Variants in SLC17A2 observed in about 807,000 individuals in gnomAD.
SLC17A2 encodes sodium-dependent phosphate transport protein 3.
In SLC17A2, 38 loss-of-function variants were observed where a neutral mutation model predicts 52.1. The observed-to-expected ratio is 0.73, with a 90% CI of 0.56 to 0.96. SLC17A2 has a LOEUF of 0.96. SLC17A2 is among the 40% of genes least tolerant of loss of function. SLC17A2 has a pLI of 0.00. For synonymous variants in SLC17A2, 226 were observed against 211.9 expected, an observed-to-expected ratio of 1.07 and a Z score of -0.58; for missense variants, 508 against 583.9, an observed-to-expected ratio of 0.87 and a Z score of 1.34.
chr6:25,926,362 C>T (rs1245361818), intron 1 of SLC17A2, among the ~76,000 whole-genome samples: 1 of 152,056 alleles, frequency 6.6e-6, no homozygotes, highest in African/African-American at 2.4e-5. Flanking sequence ...CATGTGCCTT[C>T]GAACATGAAG....
intron 11 of SLC17A2, 125 bp from the exon 12 acceptor site, chr6:25,913,576 T>C: frequency 3.4e-6 from 3 of 891,986 alleles, no homozygotes; most frequent in Non-Finnish European, 5.0e-6. Flanking sequence ...GTGCAGTAGT[T>C]ACTTAAGAAA....
At position 25,913,266 on chromosome 6, in the gene SLC17A2, G is replaced by C. The variant is rs369296456; in HGVS notation, c.*51C>G. The C allele has an allele frequency of 1.6e-4, 257 of 1,602,282 alleles. No homozygotes were observed. The African/African-American group carries it at 1.7e-3, about 11-fold the overall frequency. The stretch of plus-strand genomic sequence containing the variant: ...AGGAATATGGAGAGAAGTAAAAAAT[G>C]TTTAAAAAGTTCATGCTCAGTACCA... On this transcript the variant is annotated 3_prime_UTR_variant, in exon 12 of 12. Coordinates refer to ENST00000377850, the MANE Select transcript of SLC17A2 (RefSeq NM_001286123.3).
rs182215204 is a variant in SLC17A2 at position 25,917,948 on chromosome 6, A to C, written c.649+539T>G. On this transcript the variant is annotated intron_variant, in intron 6 of 11. Transcript: ENST00000377850. ...AGGAGAAATAAATAATTACACACCA[A>C]CATAACCTAGAGAGGAAATATCATA... Among the ~76,000 whole-genome samples, 161 of 152,352 alleles carry C rather than the reference A, an allele frequency of 1.1e-3. 2 individuals are homozygous for C. Among genetic ancestry groups the C allele is most frequent in the African/African-American group, 1.9e-3 (81 of 41,584 alleles).
In SLC17A2 at chr6:25,923,903, G is replaced by A. The variant is rs1766656430; in HGVS notation, c.32C>T (p.Pro11Leu). 1.9e-6 allele frequency: 3 copies of A among 1,613,502 alleles called. No individual in the cohort carries two copies. Among genetic ancestry groups the A allele is most frequent in the African/African-American group, 2.7e-5 (2 of 75,046 alleles). The change falls in exon 3 of 12, where the codon CCA (proline) becomes CTA (leucine). Residue 11 changes from proline to leucine, a missense_variant. Physicochemically the swap from Pro to Leu is moderately conservative, Grantham distance 98. Coordinates refer to ENST00000377850, the MANE Select transcript of SLC17A2 (RefSeq NM_001286123.3). The stretch of plus-strand genomic sequence containing the variant: ...CCCATAGCGTAATGAACAGAAATCT[G>A]GACCTAGACAACAACACAGATGTAT... The part of the protein sequence containing the change: MDGKPATRKG[P>L]DFCSLRYGLA...
In SLC17A2 at chr6:25,921,275, C is replaced by T. The variant is rs372944403; in HGVS notation, c.378G>A (p.Leu126=). 6 of 1,614,066 alleles carry T rather than the reference C, an allele frequency of 3.7e-6. No individual in the cohort carries two copies. In the African/African-American group the frequency reaches 8.0e-5, roughly 22 times the overall value. ...FGAKKMLGAG[L]LISSLLTLFT... Reference sequence around the variant, plus strand: ...AGAGGGTGAGAAGGGAAGAGATCAGCAAACCAGCACCAAGCATTTTTTTTG... The same window carrying T: ...AGAGGGTGAGAAGGGAAGAGATCAGTAAACCAGCACCAAGCATTTTTTTTG... The change falls in exon 4 of 12, where the codon TTG becomes TTA. Residue 126 remains leucine (L), a synonymous_variant. Transcript: ENST00000377850.
In SLC17A2 at chr6:25,918,551, G is replaced by A; in HGVS notation, c.585C>T (p.Ile195=). The A allele has an allele frequency of 6.2e-7, 1 of 1,613,054 alleles. No homozygotes were observed. Among genetic ancestry groups the A allele is most frequent in the Non-Finnish European group, 8.5e-7 (1 of 1,179,060 alleles). ...AGSGSAFGSF[I]ILCVGGLISQ... ...AGATTAGTCCCCCCACACAGAGGATGATGAAGGATCCAAATGCTGACCCTA... is the reference window on the plus strand; with the variant it reads ...AGATTAGTCCCCCCACACAGAGGATAATGAAGGATCCAAATGCTGACCCTA... Residue 195 remains isoleucine, a synonymous_variant, in exon 6 of 12, where the codon ATC becomes ATT. Coordinates refer to ENST00000377850, the MANE Select transcript of SLC17A2 (RefSeq NM_001286123.3).
intron 1 of SLC17A2, among the ~76,000 whole-genome samples, chr6:25,927,740 T>C (rs552511643): frequency 1.1e-4 from 17 of 152,242 alleles, no homozygotes; most frequent in Middle Eastern, 3.4e-3. Flanking sequence ...TTGTTGTTGT[T>C]TTGTACAATG....
chr6:25,913,477 A>T, intron 11 of SLC17A2, 26 bp from the exon 12 acceptor site: 1 of 1,611,122 alleles, frequency 6.2e-7, no homozygotes, highest in Non-Finnish European at 8.5e-7. Context: ...AGAGAAAATG[A>T]TCAATCTCAC....
chr6:25,925,172 G>A (rs9356992), intron 2 of SLC17A2, among the ~76,000 whole-genome samples: 13,878 of 152,132 alleles, frequency 0.091, 1,597 homozygotes, highest in East Asian at 0.59. Context: ...AGAGCCAGCC[G>A]CTTGGTGAGA....
At position 25,915,375 on chromosome 6, in the gene SLC17A2, G is replaced by T. The variant is rs899496546; in HGVS notation, c.1211+124C>A. ...TAAAAATGGCCACAGACAGATATTTGTAGTTATTTGTCATTCTGCCATTAG... is the reference window on the plus strand; with the variant it reads ...TAAAAATGGCCACAGACAGATATTTTTAGTTATTTGTCATTCTGCCATTAG... On this transcript the variant is annotated intron_variant, in intron 10 of 11. Coordinates refer to ENST00000377850, the MANE Select transcript of SLC17A2 (RefSeq NM_001286123.3). 46 of 835,302 alleles carry T rather than the reference G, an allele frequency of 5.5e-5. No homozygotes were observed. The African/African-American group carries it at 7.6e-4, about 14-fold the overall frequency. 51.7% of individuals were successfully genotyped at this position (835,302 alleles called of 1,614,324 possible). A position where few individuals can be genotyped will look rare whatever the true frequency, so the allele number is the denominator to read the frequency against.
In SLC17A2 at chr6:25,918,431, G is replaced by C. The variant is rs772891972; in HGVS notation, c.649+56C>G. 61 of 1,170,020 alleles carry C rather than the reference G, an allele frequency of 5.2e-5. No individual in the cohort carries two copies. The Middle Eastern group carries it at 9.5e-4, about 18-fold the overall frequency. 72.5% of individuals were successfully genotyped at this position (1,170,020 alleles called of 1,614,324 possible). On this transcript the variant is annotated intron_variant, in intron 6 of 11. Transcript: ENST00000377850. ...TAGGAAGAATGTGGGTGGTGTAGGT[G>C]CCAAAATGGATGCTCAGGAAATGGA...
rs1315144570 is a variant in SLC17A2, at chr6:25,917,050, T to C, written c.687A>G (p.Thr229=). 6.2e-7 allele frequency: 1 copy of C among 1,614,154 alleles called. No homozygotes were observed. The highest frequency in any genetic ancestry group is 8.5e-7 in the Non-Finnish European group (1 of 1,180,022). ...TGCVCCLLWF[T]VIYDDPMHHP... is the part of the protein sequence containing the mutation. ...GATGCATGGGGTCATCATAAATCACTGTGAACCATAGGAGACAGCAGACAC... is the reference window on the plus strand; with the variant it reads ...GATGCATGGGGTCATCATAAATCACCGTGAACCATAGGAGACAGCAGACAC... Residue 229 remains threonine (T), a synonymous_variant, in exon 7 of 12, where the codon ACA becomes ACG. Transcript: ENST00000377850.
intron 8 of SLC17A2, among the ~76,000 whole-genome samples, chr6:25,916,072 T>C (rs1218517890): frequency 1.3e-5 from 2 of 152,040 alleles, no homozygotes; most frequent in Non-Finnish European, 2.9e-5. Context: ...ATAAAAGCAA[T>C]ATTAATTTCT....
At chr6:25,913,629 G>A (rs994607826) in intron 11 of SLC17A2, among the ~76,000 whole-genome samples, 178 bp from the exon 12 acceptor site, 2 of 152,174 alleles carry the variant, frequency 1.3e-5, no homozygotes, top group African/African-American at 2.4e-5. Context: ...AATGCACATG[G>A]GGTTCTGAGT....
At chr6:25,922,000 A>G (rs1160296284) in intron 3 of SLC17A2, among the ~76,000 whole-genome samples, 1 of 151,600 alleles carries the variant, frequency 6.6e-6, no homozygotes, top group African/African-American at 2.4e-5. Context: ...TATTACCTGA[A>G]TATTTACCTA....
intron 11 of SLC17A2, 72 bp downstream of exon 11, chr6:25,914,508 A>C (rs957112698): frequency 3.2e-6 from 3 of 941,870 alleles, no homozygotes; most frequent in Non-Finnish European, 5.2e-6. Context: ...CCAGATCTTT[A>C]GAGCACCGTG....
Position 25,923,699 on chromosome 6 carries a change from G to A in SLC17A2, c.236C>T (p.Thr79Ile), listed in dbSNP as rs759821271. ...NSSISIKEFD[T>I]KASVYQWSPE... ...CCTATTTTCCATCATACTTACCTTT[G>A]TATCAAATTCCTTGATGGATATGCT... Residue 79 changes from threonine to isoleucine, a missense_variant, in exon 3 of 12, where the codon ACA becomes ATA. Transcript: ENST00000377850. 1 of 1,612,838 alleles carries A rather than the reference G, an allele frequency of 6.2e-7. No homozygotes were observed. Among genetic ancestry groups the A allele is most frequent in the Non-Finnish European group, 8.5e-7 (1 of 1,179,008 alleles).
At chr6:25,915,452 C>T (rs762532254) in intron 10 of SLC17A2, 47 bp downstream of exon 10, 2 of 1,520,416 alleles carry the variant, frequency 1.3e-6, no homozygotes, top group Non-Finnish European at 8.8e-7. Flanking sequence ...AGGTCTAACA[C>T]CTCTGGAGGG....
chr6:25,923,135 T>A (rs1434537502), intron 3 of SLC17A2, among the ~76,000 whole-genome samples: 1 of 152,092 alleles, frequency 6.6e-6, no homozygotes, highest in East Asian at 1.9e-4. Flanking sequence ...TGCAGTGAGC[T>A]GAGATCATGC....
Sources: gnomAD v4.1 joint callset for allele counts (sites outside exome capture counted in the v4.1 genomes callset) on GRCh38, gnomAD v4.1.1 for gene constraint, MANE v1.5 for transcripts, NCBI Gene and HGNC (gene_info 2026-07-23, HGNC 2026-07-21) for gene names.